The following KSR2 variants were observed in gnomAD, a reference collection of about 807,000 sequenced individuals.
KSR2 encodes the protein kinase suppressor of ras 2.
A neutral mutation model predicts 107.8 loss-of-function variants in KSR2; 25 were observed. The observed-to-expected ratio is 0.23, with a 90% confidence interval of 0.17 to 0.32. The LOEUF (loss-of-function observed/expected upper bound fraction) is 0.32. Ranked by LOEUF, KSR2 falls within the 10% of genes least tolerant of loss-of-function variation. The pLI is 1.00. For missense variants in KSR2, 887 were observed against 1,268.9 expected (o/e 0.70, Z 4.57); for synonymous variants, 480 against 507.0 (o/e 0.95, Z 0.71).
intron 8 of KSR2, among the ~76,000 whole-genome samples, chr12:117,558,276 C>T (rs1269639200): frequency 1.3e-5 from 2 of 151,994 alleles, no homozygotes; most frequent in African/African-American, 4.8e-5. Context: ...ACAAAGGGAG[C>T]TAAAGTGTCA....
intron 3 of KSR2, among the ~76,000 whole-genome samples, chr12:117,799,586 G>T (rs1456055613): frequency 6.6e-6 from 1 of 152,044 alleles, no homozygotes; most frequent in Non-Finnish European, 1.5e-5. Context: ...AATCATAGAT[G>T]ATGCATGGAC....
chr12:117,947,257 G>GAAAGAAAGAAAGA lies in KSR2; in HGVS notation c.180+20818_180+20819insTCTTTCTTTCTTT, dbSNP rs1555260494. ...AGAAAGAAAGAAAGAAAGAAAGAAA[G>GAAAGAAAGAAAGA]AAGATAAACCACATGACCATACTAA... On this transcript the variant is annotated intron_variant, in intron 1 of 19. Coordinates refer to ENST00000339824, the MANE Select transcript of KSR2 (RefSeq NM_173598.6). Among the ~76,000 whole-genome samples, 167 of 118,490 alleles carry GAAAGAAAGAAAGA rather than the reference G, an allele frequency of 1.4e-3. 1 individual carries two copies. Among genetic ancestry groups the GAAAGAAAGAAAGA allele is most frequent in the South Asian group, 2.0e-3 (7 of 3,440 alleles). The allele number at this position is 118,490 out of a possible 152,430, so 77.7% of individuals were successfully genotyped here.
At chr12:117,915,252 G>A (rs1025332357) in intron 1 of KSR2, among the ~76,000 whole-genome samples, 5 of 152,336 alleles carry the variant, frequency 3.3e-5, no homozygotes, top group East Asian at 1.9e-4. Flanking sequence ...AGCAGGGTCA[G>A]GTTCTGGAGA....
intron 12 of KSR2, among the ~76,000 whole-genome samples, chr12:117,528,532 T>C (rs1875384246): frequency 6.6e-6 from 1 of 152,134 alleles, no homozygotes; most frequent in Admixed American, 6.5e-5. Context: ...ATCCACTTGC[T>C]GGAGGGGGTC....
rs149418480 is a variant in KSR2, at chr12:117,947,182, GAAAGAAAAGAAAGA to G, written c.180+20880_180+20893del. On this transcript the variant is annotated intron_variant, in intron 1 of 19. Transcript: ENST00000339824. ...CACTCTGTCAAAAGAAAGAAAGAAA[GAAAGAAAAGAAAGA>G]AAAGAAAGAAAAGAAAGAAAGAAAG... Among the ~76,000 whole-genome samples the G allele has an allele frequency of 5.2e-3, 561 of 107,858 alleles. 16 individuals carry two copies. Among genetic ancestry groups the G allele is most frequent in the African/African-American group, 8.6e-3 (241 of 27,968 alleles). The allele number at this position is 107,858 out of a possible 152,430, so 70.8% of individuals were successfully genotyped here. A position where few individuals can be genotyped will look rare whatever the true frequency, so the allele number is the denominator to read the frequency against.
At chr12:117,492,679 T>TGAGATAGACAGATTATCC (rs1463346517) in intron 14 of KSR2, among the ~76,000 whole-genome samples, 2 of 152,186 alleles carry the variant, frequency 1.3e-5, no homozygotes, top group East Asian at 3.8e-4. Context: ...GTCATACTCT[T>TGAGATAGACAGATTATCC]GAGATAGACA....
chr12:117,610,703 C>G (rs1013171887), intron 5 of KSR2, among the ~76,000 whole-genome samples: 16 of 144,356 alleles, frequency 1.1e-4, no homozygotes, highest in Non-Finnish European at 1.9e-4. Flanking sequence ...TGCACCACTG[C>G]ACTCCAGCCT....
chr12:117,775,240 C>A (rs535850880), intron 3 of KSR2, among the ~76,000 whole-genome samples: 12 of 152,304 alleles, frequency 7.9e-5, no homozygotes, highest in African/African-American at 2.6e-4. Context: ...CTGCTGTTTT[C>A]CACAGTGCCT....
chr12:117,598,451 G>A (rs958359681), intron 5 of KSR2, among the ~76,000 whole-genome samples: 7 of 152,200 alleles, frequency 4.6e-5, no homozygotes, highest in Admixed American at 6.5e-5. Flanking sequence ...AAACATGCAT[G>A]TGTAAGTGTC....
At chr12:117,479,517 C>T (rs1178672259) in intron 16 of KSR2, among the ~76,000 whole-genome samples, 1 of 152,174 alleles carries the variant, frequency 6.6e-6, no homozygotes, top group Non-Finnish European at 1.5e-5. Context: ...GCATCCCTGG[C>T]CTCTACTCAT....
At chr12:117,956,144 G>A (rs1038781021) in intron 1 of KSR2, among the ~76,000 whole-genome samples, 1 of 150,598 alleles carries the variant, frequency 6.6e-6, no homozygotes, top group African/African-American at 2.5e-5. Flanking sequence ...CAGCTACTCG[G>A]GAGGCTAAGG....
intron 3 of KSR2, among the ~76,000 whole-genome samples, chr12:117,851,708 T>C (rs1832093057): frequency 2.0e-5 from 3 of 151,814 alleles, no homozygotes. Context: ...CTAGCCAACA[T>C]AGGGAAACCC....
chr12:117,950,324 A>T (rs552365996), intron 1 of KSR2, among the ~76,000 whole-genome samples: 76 of 152,226 alleles, frequency 5.0e-4, no homozygotes, highest in South Asian at 3.9e-3. Flanking sequence ...ATGGACAGAG[A>T]AAGGGATGGA....
At chr12:117,701,760 A>G (rs1886330293) in intron 4 of KSR2, among the ~76,000 whole-genome samples, 1 of 152,146 alleles carries the variant, frequency 6.6e-6, no homozygotes, top group Non-Finnish European at 1.5e-5. Context: ...TGAAGACAGA[A>G]GCAGAGATTG....
In KSR2 at chr12:117,709,108, AGTC is replaced by A. The variant is rs1195129061; in HGVS notation, c.987-41453_987-41451del. Among the ~76,000 whole-genome samples the A allele has an allele frequency of 3.3e-5, 5 of 152,272 alleles. No individual in the cohort carries two copies. The East Asian group carries it at 9.7e-4, about 29-fold the overall frequency. ...AGCCTTAACTTAAACACACCTGCGA[AGTC>A]CCTTTTACCATGTAAAGTAACACAA... On this transcript the variant is annotated intron_variant, in intron 4 of 19. Transcript: ENST00000339824.
chr12:117,643,674 T>C (rs537023001), intron 5 of KSR2, among the ~76,000 whole-genome samples: 1 of 152,302 alleles, frequency 6.6e-6, no homozygotes, highest in South Asian at 2.1e-4. Flanking sequence ...AACCCTGGTC[T>C]GCAGACTGGT....
intron 4 of KSR2, among the ~76,000 whole-genome samples, chr12:117,730,501 C>G (rs674140): frequency 0.33 from 49,832 of 149,772 alleles, 9,663 homozygotes; most frequent in Admixed American, 0.47. Flanking sequence ...TCCCTCTCCC[C>G]CTTCCACGGT....
In KSR2 at chr12:117,690,376, C is replaced by A. The variant is rs553837393; in HGVS notation, c.987-22718G>T. Reference sequence around the variant, plus strand: ...GTCAAGAGTTCGAGACCAGCCTGGCCAACATGGCGAAACCCCGTCTCTATT... The same window carrying A: ...GTCAAGAGTTCGAGACCAGCCTGGCAAACATGGCGAAACCCCGTCTCTATT... On this transcript the variant is annotated intron_variant, in intron 4 of 19. Coordinates refer to ENST00000339824, the MANE Select transcript of KSR2 (RefSeq NM_173598.6). Among the ~76,000 whole-genome samples the A allele has an allele frequency of 2.0e-5, 3 of 152,194 alleles. No individual in the cohort carries two copies. In the East Asian group the frequency reaches 5.8e-4, roughly 29 times the overall value.
intron 9 of KSR2, among the ~76,000 whole-genome samples, chr12:117,547,721 G>T (rs1876981230): frequency 6.6e-6 from 1 of 152,038 alleles, no homozygotes; most frequent in African/African-American, 2.4e-5. Context: ...GGCTTTTGTT[G>T]GGGCTTATTT....
Sources: allele counts gnomAD v4.1 joint callset (sites outside exome capture counted in the v4.1 genomes callset), GRCh38; gene constraint gnomAD v4.1.1; transcripts MANE v1.5; gene names NCBI Gene and HGNC (gene_info 2026-07-23, HGNC 2026-07-21).